Variants in TULP2 observed in about 807,000 individuals in gnomAD.
TULP2 encodes tubby-related protein 2.
Under a neutral mutation model 60.3 loss-of-function variants are expected in TULP2, and 64 were observed. That is an observed-to-expected ratio of 1.06 (90% CI 0.87 to 1.31). TULP2 has a LOEUF of 1.31. Among genes scored for constraint, TULP2 ranks in the 50% most tolerant of loss-of-function variants. TULP2 has a pLI of 0.00. For missense variants in TULP2, 652 were observed against 667.0 expected (o/e 0.98, Z 0.25); for synonymous variants, 267 against 265.4 (o/e 1.01, Z -0.06).
Position 48,895,420 on chromosome 19 carries a change from A to C in TULP2, c.295T>G (p.Cys99Gly). 1 of 1,613,982 alleles carries C rather than the reference A, an allele frequency of 6.2e-7. No individual in the cohort carries two copies. ...CGCTCGCCCCTGCCGTCTCCACCAC[A>C]GCTCACGGTGCCCAGGGCACTGTGG... ...GIHSALGTVS[C>G]GGDGRGERGL... Residue 99 changes from cysteine to glycine, a missense_variant, in exon 5 of 13, where the codon TGT (cysteine) becomes GGT (glycine). Physicochemically the swap from Cys to Gly is radical, Grantham distance 159 (BLOSUM62 -3). Transcript: ENST00000221399.
In TULP2 at chr19:48,897,551, T is replaced by C. The variant is rs1568579224; in HGVS notation, c.33-155A>G. On this transcript the variant is annotated intron_variant, in intron 2 of 12. Transcript: ENST00000221399. This position sits in a 1 kb window ranked among gnomAD's most constrained non-coding sequence, Gnocchi z 4.0. ...GAACCTGAGCCTGCTCCACCAGTTA[T>C]AGGGCCCTTTCTCCTGGCACTGGCC... The C allele has an allele frequency of 2.6e-6, 2 of 756,716 alleles. No individual in the cohort carries two copies. Among genetic ancestry groups the C allele is most frequent in the Non-Finnish European group, 4.4e-6 (2 of 454,358 alleles). The allele number at this position is 756,716 out of a possible 1,614,324, so 46.9% of individuals were successfully genotyped here. A position where few individuals can be genotyped will look rare whatever the true frequency, so the allele number is the denominator to read the frequency against.
chr19:48,894,331 T>G (rs1234684521), intron 6 of TULP2, among the ~76,000 whole-genome samples: 4 of 152,198 alleles, frequency 2.6e-5, no homozygotes, highest in African/African-American at 9.6e-5. Context: ...TTTAAAAATT[T>G]TTTTAAATAA....
chr19:48,892,782 C>T (rs1435834772), intron 6 of TULP2, among the ~76,000 whole-genome samples: 2 of 151,930 alleles, frequency 1.3e-5, no homozygotes, highest in African/African-American at 2.4e-5. Context: ...TGAGCCACCG[C>T]GCCCAGCCAG....
chr19:48,882,589 A>G (rs1568567762), intron 11 of TULP2, among the ~76,000 whole-genome samples: 2 of 152,276 alleles, frequency 1.3e-5, no homozygotes, highest in South Asian at 2.1e-4. Context: ...CATCCACCCT[A>G]CTGCCGTGTA....
intron 8 of TULP2, among the ~76,000 whole-genome samples, chr19:48,886,185 A>AT (rs2037177680): frequency 1.3e-5 from 2 of 152,138 alleles, no homozygotes; most frequent in Non-Finnish European, 2.9e-5. Flanking sequence ...GGGCGCCTGT[A>AT]GTCCCAGCTA....
chr19:48,888,028 G>A lies in TULP2; in HGVS notation c.870C>T (p.Leu290=), dbSNP rs112361528. The A allele has an allele frequency of 6.7e-4, 1,086 of 1,614,230 alleles. 9 individuals are homozygous for A. The African/African-American group carries it at 0.012, about 18-fold the overall frequency. ...TGTCCACGCCGTGCTTGTCACGGGT[G>A]AGGTAGCACTGCATCATGGTGCCCG... is the stretch of plus-strand genomic sequence containing the variant. ...ALPGTMMQCY[L]TRDKHGVDKG... is the part of the protein sequence containing the mutation. Residue 290 remains leucine (L), a synonymous_variant, in exon 8 of 13, where the codon CTC becomes CTT. Transcript: ENST00000221399.
rs567879050 is a variant in TULP2 at position 48,889,775 on chromosome 19, C to T, written c.515-144G>A. On this transcript the variant is annotated intron_variant, in intron 6 of 12. Coordinates refer to ENST00000221399, the MANE Select transcript of TULP2 (RefSeq NM_003323.3). ...TTAATCTATAACCTTACCCCCAACC[C>T]CGTGCTCTCTGAAACATGTGCTGTG... 9.6e-6 allele frequency: 6 copies of T among 627,028 alleles called. 1 individual carries two copies. The highest frequency in any genetic ancestry group is 7.5e-5 in the African/African-American group (4 of 53,640). The allele number at this position is 627,028 out of a possible 1,614,324, so 38.8% of individuals were successfully genotyped here.
chr19:48,894,906 T>C (rs2037264340), intron 6 of TULP2, 92 bp downstream of exon 6: 3 of 1,464,962 alleles, frequency 2.0e-6, no homozygotes, highest in Admixed American at 2.3e-5. Flanking sequence ...GTTTGTGAAT[T>C]ATACTTCAGT....
In TULP2 at chr19:48,883,788, C is replaced by G. The variant is rs1175769455; in HGVS notation, c.1241G>C (p.Ser414Thr). ...CTGGACATTGATTCGCTGGTTCTGG[C>G]TGTTGGTTCCTGGGAGAATCACAGT... Reference protein sequence around the residue: ...KMTVILPGTNSQNQRINVQPL... With the variant: ...KMTVILPGTNTQNQRINVQPL... The change falls in exon 11 of 13, where the codon AGC (serine) becomes ACC (threonine). Residue 414 changes from serine (S) to threonine (T), a missense_variant. By Grantham distance (58) the Ser-to-Thr change is moderately conservative. Coordinates refer to ENST00000221399, the MANE Select transcript of TULP2 (RefSeq NM_003323.3). The G allele has an allele frequency of 6.2e-7, 1 of 1,613,994 alleles. No homozygotes were observed. The highest frequency in any genetic ancestry group is 8.5e-7 in the Non-Finnish European group (1 of 1,180,046).
chr19:48,895,970 G>A (rs1345140230), intron 4 of TULP2, among the ~76,000 whole-genome samples: 1 of 152,138 alleles, frequency 6.6e-6, no homozygotes, highest in East Asian at 1.9e-4. Context: ...AACAAGCACA[G>A]CCCTGCCGCT....
rs777946260 is a variant in TULP2 at position 48,882,070 on chromosome 19, G to GC, written c.1408dup (p.Ala470GlyfsTer38). ...CACGATTTGGAAGTTCTTCACCGAA[G>GC]CCCGAGTGACTCGACCATGGAAATT... On this transcript the variant is annotated frameshift_variant, in exon 12 of 13. Transcript: ENST00000221399. LOFTEE classifies it high-confidence loss of function. The GC allele has an allele frequency of 4.3e-6, 7 of 1,614,188 alleles. No homozygotes were observed. The East Asian group carries it at 1.6e-4, about 36-fold the overall frequency.
At position 48,897,853 on chromosome 19, in the gene TULP2, C is replaced by T. The variant is rs935907528; in HGVS notation, c.16G>A (p.Asp6Asn). The T allele has an allele frequency of 2.5e-6, 4 of 1,613,562 alleles. No homozygotes were observed. Among genetic ancestry groups the T allele is most frequent in the Non-Finnish European group, 1.7e-6 (2 of 1,179,798 alleles). Residue 6 changes from aspartate (D) to asparagine (N), a missense_variant, in exon 2 of 13, where the codon GAC becomes AAC. Transcript: ENST00000221399. The surrounding 1 kb of genome is among the most constrained non-coding windows in gnomAD (Gnocchi z 4.0). ...CCTACTCACTCTCTCATCAATGTGTCATTATCCTGAGACATTCTGCAGAAG... is the reference window on the plus strand; with the variant it reads ...CCTACTCACTCTCTCATCAATGTGTTATTATCCTGAGACATTCTGCAGAAG... MSQDN[D>N]TLMRDILGHE...
At chr19:48,881,193 C>CTT (rs749458605) in intron 12 of TULP2, 67 bp from the exon 13 acceptor site, 329 of 294,058 alleles carry the variant, frequency 1.1e-3, no homozygotes, top group South Asian at 2.1e-3. Flanking sequence ...AGAACTGAGA[C>CTT]TTTTTTTTTT....
chr19:48,892,970 C>T (rs544013258), intron 6 of TULP2, among the ~76,000 whole-genome samples: 23 of 151,886 alleles, frequency 1.5e-4, no homozygotes, highest in South Asian at 6.3e-4. Context: ...TGAAGACACA[C>T]GGTGGCTCAC....
chr19:48,891,178 G>T (rs373223883), intron 6 of TULP2, among the ~76,000 whole-genome samples: 1 of 144,004 alleles, frequency 6.9e-6, no homozygotes, highest in Non-Finnish European at 1.5e-5. Flanking sequence ...AAAAAAATTA[G>T]CCGGGTGTGG....
intron 7 of TULP2, 59 bp downstream of exon 7, chr19:48,889,451 C>T (rs920809692): frequency 3.2e-5 from 49 of 1,527,778 alleles, no homozygotes; most frequent in Non-Finnish European, 3.8e-5. Context: ...CCACCCTCAC[C>T]AGAGGTCCGA....
intron 5 of TULP2, 84 bp downstream of exon 5, chr19:48,895,282 G>C: frequency 1.3e-6 from 2 of 1,582,028 alleles, no homozygotes; most frequent in Non-Finnish European, 1.7e-6. Flanking sequence ...GAGTATTTTG[G>C]ACAGATGGAT....
chr19:48,881,899 A>G (rs2037136214), intron 12 of TULP2, 133 bp downstream of exon 12: 3 of 1,151,980 alleles, frequency 2.6e-6, no homozygotes, highest in Non-Finnish European at 3.8e-6. Flanking sequence ...AATTCCCAAT[A>G]GGCTTTGCAA....
In TULP2 at chr19:48,897,608, C is replaced by T. The variant is rs1018578802; in HGVS notation, c.33-212G>A. On this transcript the variant is annotated intron_variant, in intron 2 of 12. Coordinates refer to ENST00000221399, the MANE Select transcript of TULP2 (RefSeq NM_003323.3). The surrounding 1 kb of genome is among the most constrained non-coding windows in gnomAD (Gnocchi z 4.0). ...AGCCGGGACCCAGAGATCCCAGGTC[C>T]CTCCTGTCTCAGGATTCAGGAGTCT... 7.3e-5 allele frequency: 51 copies of T among 695,090 alleles called. No individual in the cohort carries two copies. The Admixed American group carries it at 1.4e-3, about 19-fold the overall frequency. The allele number at this position is 695,090 out of a possible 1,614,324, so 43.1% of individuals were successfully genotyped here. A position where few individuals can be genotyped will look rare whatever the true frequency, so the allele number is the denominator to read the frequency against.
Sources: allele counts gnomAD v4.1 joint callset (sites outside exome capture counted in the v4.1 genomes callset), GRCh38; gene constraint gnomAD v4.1.1; non-coding constraint Gnocchi (gnomAD v3.1); transcripts MANE v1.5; gene names NCBI Gene and HGNC (gene_info 2026-07-23, HGNC 2026-07-21).